DLGAP1: variants seen among roughly 807,000 people sequenced by gnomAD.
DLGAP1 encodes the protein DLG associated protein 1.
A neutral mutation model predicts 90.8 loss-of-function variants in DLGAP1; 11 were observed. That is an observed-to-expected ratio of 0.12 (90% CI 0.08 to 0.20). The LOEUF is 0.20. Ranked by LOEUF, DLGAP1 falls within the 10% of genes least tolerant of loss-of-function variation. The pLI is 1.00. For missense variants in DLGAP1, 1,050 were observed against 1,333.8 expected, an observed-to-expected ratio of 0.79 and a Z score of 3.31; for synonymous variants, 558 against 540.7, an observed-to-expected ratio of 1.03 and a Z score of -0.44.
chr18:3,743,847 G>T (rs2063159412), intron 5 of DLGAP1, among the ~76,000 whole-genome samples: 1 of 151,738 alleles, frequency 6.6e-6, no homozygotes, highest in East Asian at 1.9e-4. Flanking sequence ...ATGGGGTTTT[G>T]CTATGTTGGC....
chr18:3,769,855 G>GA (rs1470877467), intron 5 of DLGAP1, among the ~76,000 whole-genome samples: 7 of 151,418 alleles, frequency 4.6e-5, no homozygotes, highest in Non-Finnish European at 1.5e-5. Context: ...GGGTGGGGGG[G>GA]GAAAACTGGG....
chr18:3,673,814 G>C (rs1791385), intron 7 of DLGAP1, among the ~76,000 whole-genome samples: 50,554 of 150,812 alleles, frequency 0.34, 8,857 homozygotes, highest in East Asian at 0.61. Flanking sequence ...CCAAAGTGCT[G>C]GGATTACAGG....
chr18:4,265,763 C>T (rs2079117376), intron 1 of DLGAP1, among the ~76,000 whole-genome samples: 1 of 150,666 alleles, frequency 6.6e-6, no homozygotes, highest in South Asian at 2.1e-4. Context: ...TCATGTCTCA[C>T]TGCAGCCTTG....
At chr18:4,412,566 G>T (rs1336531169) in intron 1 of DLGAP1, among the ~76,000 whole-genome samples, 1 of 152,056 alleles carries the variant, frequency 6.6e-6, no homozygotes, top group Non-Finnish European at 1.5e-5. Flanking sequence ...ATGGGTTCAG[G>T]GTCTAGGACC....
intron 4 of DLGAP1, among the ~76,000 whole-genome samples, chr18:3,829,239 C>T (rs972402758): frequency 1.3e-5 from 2 of 152,214 alleles, no homozygotes; most frequent in African/African-American, 4.8e-5. Flanking sequence ...ACTTCAGAGA[C>T]TGACTATAAA....
intron 2 of DLGAP1, among the ~76,000 whole-genome samples, chr18:4,012,968 G>T (rs920486378): frequency 6.6e-6 from 1 of 152,094 alleles, no homozygotes; most frequent in South Asian, 2.1e-4. Flanking sequence ...TCCTCCCAAA[G>T]TCCTGGGATT....
chr18:4,032,401 G>GATT, intron 2 of DLGAP1, among the ~76,000 whole-genome samples: 1 of 152,232 alleles, frequency 6.6e-6, no homozygotes, highest in East Asian at 1.9e-4. Flanking sequence ...TAAGCACACA[G>GATT]ATACCTTGGT....
At chr18:3,608,567 C>T (rs1406800943) in intron 7 of DLGAP1, among the ~76,000 whole-genome samples, 1 of 152,120 alleles carries the variant, frequency 6.6e-6, no homozygotes, top group Non-Finnish European at 1.5e-5. Context: ...TGTGTTGGGG[C>T]TCAGAACATA....
intron 1 of DLGAP1, among the ~76,000 whole-genome samples, chr18:4,368,639 A>T (rs1007139316): frequency 7.5e-4 from 2 of 2,662 alleles, no homozygotes; most frequent in East Asian, 0.026. Flanking sequence ...TCTCTCATAC[A>T]CACACACACA....
intron 2 of DLGAP1, among the ~76,000 whole-genome samples, chr18:4,063,508 A>G (rs963564833): frequency 1.3e-5 from 2 of 152,130 alleles, no homozygotes; most frequent in Non-Finnish European, 2.9e-5. Context: ...CCACCCTGAC[A>G]GAAGTGGCCT....
chr18:3,899,804 C>T lies in DLGAP1; in HGVS notation c.-72-19664G>A, dbSNP rs936091697. Among the ~76,000 whole-genome samples, 8 of 152,242 alleles carry T rather than the reference C, an allele frequency of 5.3e-5. No homozygotes were observed. In the East Asian group the frequency reaches 5.8e-4, roughly 11 times the overall value. ...GGGGAAGCTTGGTAGGAAAAATCAG[C>T]GCTATAAATTGCAAGTTTTCCTGCT... On this transcript the variant is annotated intron_variant, in intron 3 of 12. Transcript: ENST00000315677.
At chr18:3,555,001 C>T (rs972858810) in intron 9 of DLGAP1, among the ~76,000 whole-genome samples, 14 of 151,836 alleles carry the variant, frequency 9.2e-5, no homozygotes, top group African/African-American at 3.1e-4. Flanking sequence ...GTTAACTGGC[C>T]ATTCAGTGTG....
At chr18:3,523,388 A>G (rs2051345362) in intron 10 of DLGAP1, among the ~76,000 whole-genome samples, 1 of 151,928 alleles carries the variant, frequency 6.6e-6, no homozygotes, top group South Asian at 2.1e-4. Flanking sequence ...AAGAAAAAAA[A>G]AAATTAAAAA....
At chr18:3,612,288 T>C (rs1376404598) in intron 7 of DLGAP1, among the ~76,000 whole-genome samples, 5 of 152,158 alleles carry the variant, frequency 3.3e-5, no homozygotes, top group Non-Finnish European at 7.4e-5. Flanking sequence ...CTGGTTTTTA[T>C]TGTCTAAAAT....
intron 1 of DLGAP1, among the ~76,000 whole-genome samples, chr18:4,402,004 C>T (rs899205915): frequency 8.5e-5 from 13 of 152,212 alleles, no homozygotes; most frequent in African/African-American, 3.1e-4. Flanking sequence ...GTGATTTAAG[C>T]ACCACACTGA....
intron 7 of DLGAP1, among the ~76,000 whole-genome samples, chr18:3,670,326 A>G (rs2060044143): frequency 6.6e-6 from 1 of 152,194 alleles, no homozygotes; most frequent in Non-Finnish European, 1.5e-5. Context: ...ATTCATTTTC[A>G]AGAGAAGAGG....
intron 1 of DLGAP1, among the ~76,000 whole-genome samples, chr18:4,259,538 T>C (rs907574262): frequency 2.6e-5 from 4 of 152,132 alleles, no homozygotes; most frequent in Non-Finnish European, 4.4e-5. Context: ...ATTCAGCAGT[T>C]GTAGTGGCGA....
Position 4,290,281 on chromosome 18 carries a change from ATACT to A in DLGAP1, c.-266-138998_-266-138995del, listed in dbSNP as rs2079813711. Among the ~76,000 whole-genome samples the A allele has an allele frequency of 3.3e-5, 5 of 152,380 alleles. No individual in the cohort carries two copies. In the South Asian group the frequency reaches 1.0e-3, roughly 32 times the overall value. On this transcript the variant is annotated intron_variant, in intron 1 of 12. Transcript: ENST00000315677. ...AGAAAAAGAATACGCATCAGGAGAA[ATACT>A]TAGATTATCAAAAACAACTCAAGTG...
intron 1 of DLGAP1, among the ~76,000 whole-genome samples, chr18:4,207,415 G>A (rs2077743407): frequency 1.3e-5 from 2 of 152,076 alleles, no homozygotes; most frequent in Admixed American, 6.5e-5. Flanking sequence ...TGACACCTGG[G>A]GATTACCGGA....
Sources: gnomAD v4.1 joint callset for allele counts (sites outside exome capture counted in the v4.1 genomes callset) on GRCh38, gnomAD v4.1.1 for gene constraint, MANE v1.5 for transcripts, NCBI Gene and HGNC (gene_info 2026-07-23, HGNC 2026-07-21) for gene names.